The following SHISAL1 variants were observed in gnomAD, a reference collection of about 807,000 sequenced individuals.
SHISAL1 encodes the protein shisa like 1.
In SHISAL1, 9 loss-of-function variants were observed where a neutral mutation model predicts 22.6. The ratio of observed to expected loss-of-function variants is 0.40; its 90% confidence interval spans 0.24 to 0.70. The LOEUF (loss-of-function observed/expected upper bound fraction) is 0.70, where lower values mean the gene tolerates loss of function less well. SHISAL1 is among the 30% of genes least tolerant of loss of function. The pLI, the probability that SHISAL1 is intolerant of heterozygous loss-of-function variation, is 0.39. For synonymous variants in SHISAL1, 119 were observed against 115.4 expected, an observed-to-expected ratio of 1.03 and a Z score of -0.20; for missense variants, 246 against 270.6, an observed-to-expected ratio of 0.91 and a Z score of 0.64.
intron 3 of SHISAL1, among the ~76,000 whole-genome samples, chr22:44,295,506 A>G (rs1261301530): frequency 6.8e-6 from 1 of 147,730 alleles, no homozygotes; most frequent in East Asian, 2.0e-4. Context: ...TGCAAAAGCC[A>G]GAAACCATAA....
chr22:44,263,189 G>T (rs1371664184), intron 4 of SHISAL1, among the ~76,000 whole-genome samples: 1 of 146,196 alleles, frequency 6.8e-6, no homozygotes, highest in Non-Finnish European at 1.5e-5. Flanking sequence ...TCCTGCCTCA[G>T]CCTCCCGAGT....
At chr22:44,331,522 G>T in the SHISAL1 span, among the ~76,000 whole-genome samples, 2 of 149,952 alleles carry the variant, frequency 1.3e-5, no homozygotes, top group East Asian at 4.0e-4. The surrounding 1 kb of genome is among the most constrained non-coding windows in gnomAD (Gnocchi z 5.2). Context: ...CTCGTTCCTC[G>T]CTTCGTAGCC....
intron 4 of SHISAL1, among the ~76,000 whole-genome samples, chr22:44,280,583 C>A (rs2055269444): frequency 1.3e-5 from 2 of 152,110 alleles, no homozygotes; most frequent in Non-Finnish European, 1.5e-5. Context: ...CAGGAGGGGG[C>A]CGCTCAGGTA....
At chr22:44,303,989 T>C (rs547450143) in intron 1 of SHISAL1, among the ~76,000 whole-genome samples, 1 of 152,280 alleles carries the variant, frequency 6.6e-6, no homozygotes, top group African/African-American at 2.4e-5. Flanking sequence ...AGTGCAGGGA[T>C]CTGCTGCCAG....
intron 4 of SHISAL1, among the ~76,000 whole-genome samples, chr22:44,254,478 A>G (rs2055071037): frequency 6.6e-6 from 1 of 152,108 alleles, no homozygotes; most frequent in East Asian, 1.9e-4. Flanking sequence ...CCCCTGCCCT[A>G]GCCTCCTGTG....
In SHISAL1 at chr22:44,304,860, G is replaced by A. The variant is rs185452831; in HGVS notation, c.-32-3883C>T. ...CCAGACTCCAGCTCCTCTGGCCCCC[G>A]TAGGGTGGGGCTGCCCCACTTCTGT... On this transcript the variant is annotated intron_variant, in intron 1 of 4. Coordinates refer to ENST00000381176, the MANE Select transcript of SHISAL1 (RefSeq NM_001099294.2). Among the ~76,000 whole-genome samples, 5 of 152,156 alleles carry A rather than the reference G, an allele frequency of 3.3e-5. No individual in the cohort carries two copies. In the East Asian group the frequency reaches 7.7e-4, roughly 24 times the overall value.
intron 1 of SHISAL1, 52 bp from the exon 2 acceptor site, chr22:44,301,029 T>A: frequency 7.7e-7 from 1 of 1,296,992 alleles, no homozygotes; most frequent in Non-Finnish European, 1.1e-6. Context: ...CGCCTGACAC[T>A]GGCTTTCCTG....
chr22:44,261,534 C>G (rs892669238), intron 4 of SHISAL1, among the ~76,000 whole-genome samples: 1 of 152,156 alleles, frequency 6.6e-6, no homozygotes, highest in Admixed American at 6.5e-5. Flanking sequence ...GCTGTGTGAC[C>G]CTGGGTGAGT....
intron 3 of SHISAL1, among the ~76,000 whole-genome samples, chr22:44,286,158 T>C (rs1460660357): frequency 6.6e-6 from 1 of 152,182 alleles, no homozygotes; most frequent in African/African-American, 2.4e-5. Context: ...TTTGCCTACA[T>C]TGTTCCTGGC....
chr22:44,308,678 A>G (rs748795351), intron 1 of SHISAL1, among the ~76,000 whole-genome samples: 9 of 152,156 alleles, frequency 5.9e-5, no homozygotes, highest in Non-Finnish European at 1.2e-4. Context: ...GGTGGGGTTC[A>G]TCTGGGGCCA....
chr22:44,287,430 G>C (rs2055324197), intron 3 of SHISAL1, among the ~76,000 whole-genome samples: 1 of 152,188 alleles, frequency 6.6e-6, no homozygotes, highest in South Asian at 2.1e-4. Context: ...GGAGCTCCTG[G>C]CTGGGAGGTC....
Position 44,251,829 on chromosome 22 carries a change from G to C in SHISAL1, c.*-2144C>G, listed in dbSNP as rs190911408. On this transcript the variant is annotated intron_variant, in intron 4 of 4. Coordinates refer to ENST00000381176, the MANE Select transcript of SHISAL1 (RefSeq NM_001099294.2). ...TTGTGGGAGTTACAATTCAAGATGA[G>C]ATTTGGGTGGGGACACAGCCAAACC... Among the ~76,000 whole-genome samples, 105 of 152,308 alleles carry C rather than the reference G, an allele frequency of 6.9e-4. 1 individual carries two copies. Among genetic ancestry groups the C allele is most frequent in the Non-Finnish European group, 1.1e-3 (74 of 68,036 alleles).
intron 4 of SHISAL1, among the ~76,000 whole-genome samples, chr22:44,273,291 G>A (rs182702292): frequency 3.9e-5 from 6 of 152,258 alleles, no homozygotes; most frequent in Admixed American, 1.3e-4. Context: ...TCAATTTCCC[G>A]AGCGTAAATA....
At chr22:44,327,457 G>A in the SHISAL1 span, among the ~76,000 whole-genome samples, 1 of 152,152 alleles carries the variant, frequency 6.6e-6, no homozygotes, top group East Asian at 1.9e-4. Flanking sequence ...GGAGGAAGGG[G>A]CTCATGATAA....
chr22:44,265,967 G>T (rs918168831), intron 4 of SHISAL1, among the ~76,000 whole-genome samples: 1 of 152,200 alleles, frequency 6.6e-6, no homozygotes, highest in African/African-American at 2.4e-5. Context: ...CCCCCAGAGT[G>T]AGCTGGTGTC....
chr22:44,287,881 G>A (rs930822989), intron 3 of SHISAL1, among the ~76,000 whole-genome samples: 2 of 152,140 alleles, frequency 1.3e-5, no homozygotes, highest in East Asian at 3.9e-4. Flanking sequence ...ATTGCTCTAA[G>A]TGCCAGGTTT....
Position 44,248,452 on chromosome 22 carries a change from CCAGGGCAG to C in SHISAL1, c.*1225_*1232del, listed in dbSNP as rs2055022252. On this transcript the variant is annotated 3_prime_UTR_variant, in exon 5 of 5. Transcript: ENST00000381176. ...TAGGTGATGCCATCTCATAGGTGTC[CCAGGGCAG>C]CGGGGCAGGAGTGGGGGTGATTAGC... The C allele has an allele frequency of 6.7e-6, 1 of 148,520 alleles. No homozygotes were observed. 9.2% of individuals were successfully genotyped at this position (148,520 alleles called of 1,614,324 possible). A position where few individuals can be genotyped will look rare whatever the true frequency, so the allele number is the denominator to read the frequency against.
chr22:44,269,941 C>T (rs2055195226), intron 4 of SHISAL1, among the ~76,000 whole-genome samples: 1 of 152,188 alleles, frequency 6.6e-6, no homozygotes, highest in Non-Finnish European at 1.5e-5. Flanking sequence ...TGGGTCAGAC[C>T]TCTGAGTTGT....
chr22:44,290,397 C>T (rs1383462484), intron 3 of SHISAL1, among the ~76,000 whole-genome samples: 1 of 152,126 alleles, frequency 6.6e-6, no homozygotes, highest in African/African-American at 2.4e-5. Flanking sequence ...GGCGTGGTGG[C>T]AGGCACCTGT....
Sources: allele counts gnomAD v4.1 joint callset (sites outside exome capture counted in the v4.1 genomes callset), GRCh38; gene constraint gnomAD v4.1.1; non-coding constraint Gnocchi (gnomAD v3.1); transcripts MANE v1.5; gene names NCBI Gene and HGNC (gene_info 2026-07-23, HGNC 2026-07-21).